RIOX2: variants seen among roughly 807,000 people sequenced by gnomAD.
RIOX2 encodes the protein 60S ribosomal protein L27a histidine hydroxylase.
In RIOX2, 43 loss-of-function variants were observed where a neutral mutation model predicts 51.2. The ratio of observed to expected loss-of-function variants is 0.84; its 90% CI spans 0.66 to 1.08. The LOEUF is 1.08. RIOX2 is among the 50% of genes least tolerant of loss of function. The pLI is 0.00. For synonymous variants in RIOX2, 226 were observed against 218.5 expected, an observed-to-expected ratio of 1.03 and a Z score of -0.30; for missense variants, 566 against 561.7, an observed-to-expected ratio of 1.01 and a Z score of -0.08.
chr3:97,959,595 G>A (rs182524464), intron 3 of RIOX2, among the ~76,000 whole-genome samples: 72 of 152,232 alleles, frequency 4.7e-4, no homozygotes, highest in African/African-American at 1.6e-3. Context: ...TTACAGGCGT[G>A]AGCCACCACG....
chr3:97,953,432 G>C (rs1576000905), intron 5 of RIOX2, among the ~76,000 whole-genome samples: 1 of 151,692 alleles, frequency 6.6e-6, no homozygotes, highest in African/African-American at 2.4e-5. Context: ...CCAGGCTGGA[G>C]TGCAGTGGCG....
At position 97,944,114 on chromosome 3, in the gene RIOX2, T is replaced by TC. The variant is rs1402378070; in HGVS notation, c.*1069_*1070insG. On this transcript the variant is annotated 3_prime_UTR_variant, in exon 10 of 10. Coordinates refer to ENST00000394198, the MANE Select transcript of RIOX2 (RefSeq NM_153182.4). ...AGATTTAAGGAGAGGCATCAATTTT[T>TC]TTTTTTTTTTGCCTCAAGAGAAATT... 6.6e-6 allele frequency: 1 copy of TC among 151,782 alleles called. No homozygotes were observed. The highest frequency in any genetic ancestry group is 2.4e-5 in the African/African-American group (1 of 41,374). 9.4% of individuals were successfully genotyped at this position (151,782 alleles called of 1,614,324 possible).
chr3:97,967,753 C>CGTGAG (rs1705949377), intron 1 of RIOX2, 121 bp from the exon 2 acceptor site: 1 of 657,410 alleles, frequency 1.5e-6, no homozygotes, highest in Non-Finnish European at 2.5e-6. Flanking sequence ...CTTCATAGGT[C>CGTGAG]AAAGCTACTT....
At chr3:97,967,063 T>C in intron 2 of RIOX2, 99 bp downstream of exon 2, 2 of 1,290,788 alleles carry the variant, frequency 1.5e-6, no homozygotes, top group African/African-American at 1.5e-5. Context: ...GGCAAGAGAC[T>C]AACCATCATC....
intron 2 of RIOX2, among the ~76,000 whole-genome samples, chr3:97,962,376 A>AAT (rs1705717792): frequency 2.0e-5 from 1 of 49,820 alleles, no homozygotes; most frequent in Admixed American, 3.2e-4. Context: ...CCCCCCCCAC[A>AAT]TGGAGATGTC....
intron 3 of RIOX2, among the ~76,000 whole-genome samples, chr3:97,959,592 C>T (rs1273873349): frequency 6.6e-6 from 1 of 152,074 alleles, no homozygotes; most frequent in South Asian, 2.1e-4. Context: ...TGATTACAGG[C>T]GTGAGCCACC....
rs1263585347 is a variant in RIOX2 at position 97,970,383 on chromosome 3, A to G, written c.-40+1998T>C. On this transcript the variant is annotated intron_variant, in intron 1 of 9. Coordinates refer to ENST00000394198, the MANE Select transcript of RIOX2 (RefSeq NM_153182.4). ...GCCTAAGCTTAGAGGTTTCTGGGCAAATACATTATTTCTCTGATTCTCACA... is the reference window on the plus strand; with the variant it reads ...GCCTAAGCTTAGAGGTTTCTGGGCAGATACATTATTTCTCTGATTCTCACA... Among the ~76,000 whole-genome samples the G allele has an allele frequency of 2.0e-5, 3 of 152,226 alleles. No homozygotes were observed. The East Asian group carries it at 5.8e-4, about 29-fold the overall frequency.
Position 97,942,099 on chromosome 3 carries a change from CCTA to C in RIOX2, c.*3082_*3084del, listed in dbSNP as rs140792387. The C allele has an allele frequency of 1.9e-3, 792 of 417,648 alleles. 13 individuals are homozygous for C. The East Asian group carries it at 0.026, about 13-fold the overall frequency. 25.9% of individuals were successfully genotyped at this position (417,648 alleles called of 1,614,324 possible). ...CAGTTGGTTTATTTCTGTACCATCT[CCTA>C]CCCACAGCCGTAAAGAAGACATTAA... On this transcript the variant is annotated 3_prime_UTR_variant, in exon 10 of 10. Coordinates refer to ENST00000394198, the MANE Select transcript of RIOX2 (RefSeq NM_153182.4).
At position 97,942,474 on chromosome 3, in the gene RIOX2, C is replaced by A; in HGVS notation, c.*2710G>T. On this transcript the variant is annotated 3_prime_UTR_variant, in exon 10 of 10. Transcript: ENST00000394198. ...CCTTTGATGATACCCAATGTTGTGTCCCTGGATATTAGTTTCAGTTCCAAA... is the reference window on the plus strand; with the variant it reads ...CCTTTGATGATACCCAATGTTGTGTACCTGGATATTAGTTTCAGTTCCAAA... 6.4e-7 allele frequency: 1 copy of A among 1,559,382 alleles called. No individual in the cohort carries two copies.
chr3:97,951,137 A>C, intron 5 of RIOX2: 1 of 402,712 alleles, frequency 2.5e-6, no homozygotes, highest in Non-Finnish European at 4.5e-6. Flanking sequence ...GCTAGGCTTC[A>C]ATACTGATTT....
intron 2 of RIOX2, among the ~76,000 whole-genome samples, chr3:97,962,356 A>AACC (rs1705712650): frequency 1.4e-4 from 10 of 70,198 alleles, no homozygotes; most frequent in East Asian, 9.0e-4. Context: ...GAATGCTAAG[A>AACC]CCCCCCCCCC....
chr3:97,952,515 TGTTATGAGTAAA>T (rs1322211369), intron 5 of RIOX2, among the ~76,000 whole-genome samples: 1 of 152,126 alleles, frequency 6.6e-6, no homozygotes, highest in East Asian at 1.9e-4. Flanking sequence ...GATGGCCTAA[TGTTATGAGTAAA>T]CAGAAGCTGA....
intron 2 of RIOX2, among the ~76,000 whole-genome samples, chr3:97,966,448 A>G (rs1395462527): frequency 6.6e-6 from 1 of 152,264 alleles, no homozygotes; most frequent in Non-Finnish European, 1.5e-5. Flanking sequence ...TGAGGAAAAC[A>G]AATTAGTTCA....
intron 1 of RIOX2, among the ~76,000 whole-genome samples, chr3:97,969,935 G>A (rs564541208): frequency 4.0e-4 from 61 of 152,258 alleles, no homozygotes; most frequent in Non-Finnish European, 6.2e-4. Flanking sequence ...ACAGCACATT[G>A]CTCACGTTTA....
intron 1 of RIOX2, among the ~76,000 whole-genome samples, chr3:97,971,381 A>G (rs1246769467): frequency 3.3e-5 from 5 of 152,224 alleles, no homozygotes; most frequent in African/African-American, 1.2e-4. Flanking sequence ...CTAATGGAGG[A>G]CAACAGTCAA....
chr3:97,967,711 A>C (rs1245661933), intron 1 of RIOX2, 79 bp from the exon 2 acceptor site: 2 of 986,714 alleles, frequency 2.0e-6, no homozygotes, highest in South Asian at 1.7e-5. Context: ...GCGCACACAC[A>C]ACTGAATGAC....
In RIOX2 at chr3:97,943,438, C is replaced by T. The variant is rs1452762153; in HGVS notation, c.*1746G>A. 3 of 643,670 alleles carry T rather than the reference C, an allele frequency of 4.7e-6. No homozygotes were observed. The highest frequency in any genetic ancestry group is 8.2e-6 in the Non-Finnish European group (3 of 367,994). The allele number at this position is 643,670 out of a possible 1,614,324, so 39.9% of individuals were successfully genotyped here. On this transcript the variant is annotated 3_prime_UTR_variant, in exon 10 of 10. Coordinates refer to ENST00000394198, the MANE Select transcript of RIOX2 (RefSeq NM_153182.4). ...CTCCTGGATCACTGAGCAGAATGAACATTTTCTCCAGCCTCTGAGACTATC... is the reference window on the plus strand; with the variant it reads ...CTCCTGGATCACTGAGCAGAATGAATATTTTCTCCAGCCTCTGAGACTATC...
intron 3 of RIOX2, among the ~76,000 whole-genome samples, chr3:97,960,004 T>G (rs1387417273): frequency 1.3e-5 from 2 of 152,326 alleles, no homozygotes; most frequent in East Asian, 1.9e-4. Context: ...CGAGCTCAAG[T>G]GTGATGCTAA....
intron 7 of RIOX2, among the ~76,000 whole-genome samples, 173 bp downstream of exon 7, chr3:97,949,671 A>G (rs1385645912): frequency 6.6e-6 from 1 of 152,116 alleles, no homozygotes. Flanking sequence ...ACAGGTTGCT[A>G]AAGGTTGAGT....
Sources: gnomAD v4.1 joint callset for allele counts (sites outside exome capture counted in the v4.1 genomes callset) on GRCh38, gnomAD v4.1.1 for gene constraint, MANE v1.5 for transcripts, NCBI Gene and HGNC (gene_info 2026-07-23, HGNC 2026-07-21) for gene names.